Variants in EPHA4 observed in about 807,000 individuals in gnomAD.
EPHA4 encodes the protein EPH receptor A4.
A neutral mutation model predicts 108.3 loss-of-function variants in EPHA4; 19 were observed. The observed-to-expected ratio is 0.18, with a 90% confidence interval of 0.12 to 0.26. The LOEUF (loss-of-function observed/expected upper bound fraction) is 0.26, where lower values mean the gene tolerates loss of function less well. EPHA4 is among the 10% of genes least tolerant of loss of function. The probability of loss-of-function intolerance (pLI) is 1.00; values close to 1 mark genes in which losing one functional copy is unlikely to be tolerated. For missense variants in EPHA4, 917 were observed against 1,254.0 expected, an observed-to-expected ratio of 0.73 and a Z score of 4.06; for synonymous variants, 449 against 455.5, an observed-to-expected ratio of 0.99 and a Z score of 0.18.
At chr2:221,466,726 A>G (rs370588781) in intron 5 of EPHA4, among the ~76,000 whole-genome samples, 6 of 152,168 alleles carry the variant, frequency 3.9e-5, no homozygotes, top group African/African-American at 1.2e-4. Context: ...GACAGGTACT[A>G]TTATTATCCT....
At chr2:221,553,766 A>G (rs1391199340) in intron 3 of EPHA4, among the ~76,000 whole-genome samples, 2 of 152,224 alleles carry the variant, frequency 1.3e-5, no homozygotes, top group Non-Finnish European at 2.9e-5. Flanking sequence ...AGTATGAAAA[A>G]AATCCAATTT....
intron 3 of EPHA4, among the ~76,000 whole-genome samples, chr2:221,562,040 C>T: frequency 6.6e-6 from 1 of 152,134 alleles, no homozygotes; most frequent in East Asian, 1.9e-4. Flanking sequence ...AGTAACAATG[C>T]ACTCACATAT....
chr2:221,560,770 G>A (rs940896608), intron 3 of EPHA4, among the ~76,000 whole-genome samples: 2 of 152,032 alleles, frequency 1.3e-5, no homozygotes, highest in African/African-American at 4.8e-5. Context: ...AGGCTCACAG[G>A]GCTTAAGAAA....
chr2:221,539,604 T>G (rs1693772186), intron 3 of EPHA4, among the ~76,000 whole-genome samples: 1 of 152,158 alleles, frequency 6.6e-6, no homozygotes, highest in African/African-American at 2.4e-5. Context: ...AGAAAGAGCT[T>G]GGAGACCTAT....
intron 4 of EPHA4, among the ~76,000 whole-genome samples, chr2:221,497,800 GAGA>G (rs1206789901): frequency 3.3e-5 from 5 of 152,250 alleles, no homozygotes; most frequent in South Asian, 2.1e-4. Context: ...TAAAGTGTAG[GAGA>G]AGGAGTTCCA....
At chr2:221,517,143 T>G (rs1693013601) in intron 3 of EPHA4, among the ~76,000 whole-genome samples, 1 of 152,120 alleles carries the variant, frequency 6.6e-6, no homozygotes, top group Non-Finnish European at 1.5e-5. Flanking sequence ...ATAAACCTGG[T>G]AATATGAGAG....
At chr2:221,541,715 T>A (rs971051394) in intron 3 of EPHA4, among the ~76,000 whole-genome samples, 3 of 152,144 alleles carry the variant, frequency 2.0e-5, no homozygotes, top group East Asian at 3.9e-4. Context: ...CTTTCCTTGG[T>A]CTGGACCAGC....
At chr2:221,530,497 T>A (rs1159050290) in intron 3 of EPHA4, among the ~76,000 whole-genome samples, 1 of 152,186 alleles carries the variant, frequency 6.6e-6, no homozygotes, top group Non-Finnish European at 1.5e-5. Context: ...GACTTAAGGA[T>A]GGGTGAATCC....
intron 3 of EPHA4, among the ~76,000 whole-genome samples, chr2:221,534,426 T>C (rs368259159): frequency 6.6e-6 from 1 of 152,320 alleles, no homozygotes; most frequent in East Asian, 1.9e-4. Flanking sequence ...TACCTGCAAG[T>C]GCTCCAAGTT....
At chr2:221,521,569 G>A (rs963125817) in intron 3 of EPHA4, among the ~76,000 whole-genome samples, 17 of 152,152 alleles carry the variant, frequency 1.1e-4, no homozygotes, top group African/African-American at 4.1e-4. Context: ...TCTGCCAAAA[G>A]CGTAAGTGTC....
chr2:221,572,515 G>GC (rs1212709506), upstream of EPHA4: 3 of 108,058 alleles, frequency 2.8e-5, no homozygotes, highest in Non-Finnish European at 4.2e-5. Context: ...GAGCACGGCC[G>GC]GTCCCCGCCC....
rs780837109 is a variant in EPHA4 at position 221,456,733 on chromosome 2, C to T, written c.1483G>A (p.Ala495Thr). 1.2e-6 allele frequency: 2 copies of T among 1,613,898 alleles called. No homozygotes were observed. Among genetic ancestry groups the T allele is most frequent in the East Asian group, 2.2e-5 (1 of 44,868 alleles). ...AGGCCTTTGATATCTGTGTTCCTGG[C>T]AGCTGTCCGAACTATACGATAGCTT... ...ERSYRIVRTAARNTDIKGLNP... is the reference protein window; with the variant it reads ...ERSYRIVRTATRNTDIKGLNP... Residue 495 changes from alanine to threonine, a missense_variant, in exon 7 of 18, where the codon GCC (alanine) becomes ACC (threonine). Physicochemically the swap from Ala to Thr is moderately conservative, Grantham distance 58. Transcript: ENST00000281821.
At chr2:221,421,465 GGACACAGGGAGATA>G (rs1290022484) in intron 17 of EPHA4, among the ~76,000 whole-genome samples, 1 of 152,174 alleles carries the variant, frequency 6.6e-6, no homozygotes, top group Non-Finnish European at 1.5e-5. Flanking sequence ...AGGGAACATG[GGACACAGGGAGATA>G]CTTGCTCTAT....
In EPHA4 at chr2:221,508,443, A is replaced by T. The variant is rs114303543; in HGVS notation, c.824-7271T>A. Among the ~76,000 whole-genome samples, 1,520 of 152,166 alleles carry T rather than the reference A, an allele frequency of 1.0e-2. 35 individuals carry two copies. The highest frequency in any genetic ancestry group is 0.035 in the African/African-American group (1,449 of 41,536). ...AAAATACAAAAATTAGCCAGGAGGCATTGTGCATGCCTGTAGTTCCAGCTA... is the reference window on the plus strand; with the variant it reads ...AAAATACAAAAATTAGCCAGGAGGCTTTGTGCATGCCTGTAGTTCCAGCTA... On this transcript the variant is annotated intron_variant, in intron 3 of 17. Transcript: ENST00000281821.
At chr2:221,570,478 G>C (rs923536843) in intron 1 of EPHA4, among the ~76,000 whole-genome samples, 1 of 152,192 alleles carries the variant, frequency 6.6e-6, no homozygotes, top group South Asian at 2.1e-4. Flanking sequence ...CCTAGGGACC[G>C]AGGGGCGGCG....
In EPHA4 at chr2:221,563,880, G is replaced by A. The variant is rs774273988; in HGVS notation, c.674C>T (p.Ser225Phe). The A allele has an allele frequency of 6.2e-7, 1 of 1,614,194 alleles. No individual in the cohort carries two copies. Among genetic ancestry groups the A allele is most frequent in the South Asian group, 1.1e-5 (1 of 91,080 alleles). The part of the protein sequence containing the change: ...PDTITGADTS[S>F]LVEVRGSCVN... ...ACAGGAGCCTCGAACTTCCACCAGGGAAGACGTATCAGCCCCTGTGATGGT... is the reference window on the plus strand; with the variant it reads ...ACAGGAGCCTCGAACTTCCACCAGGAAAGACGTATCAGCCCCTGTGATGGT... Residue 225 changes from serine (S) to phenylalanine (F), a missense_variant, in exon 3 of 18, where the codon TCC (serine) becomes TTC (phenylalanine). Ser to Phe is a radical substitution (Grantham distance 155). Coordinates refer to ENST00000281821, the MANE Select transcript of EPHA4 (RefSeq NM_004438.5).
At position 221,442,939 on chromosome 2, in the gene EPHA4, A is replaced by G; in HGVS notation, c.1964T>C (p.Leu655Pro). 2 of 1,614,186 alleles carry G rather than the reference A, an allele frequency of 1.2e-6. No homozygotes were observed. The highest frequency in any genetic ancestry group is 1.7e-6 in the Non-Finnish European group (2 of 1,180,024). The stretch of plus-strand genomic sequence containing the variant: ...CTGTTTGTCTGTATAACCAGCTTTC[A>G]GAGTCTTGATAGCCACACAGATCTC... Reference protein sequence around the residue: ...KREICVAIKTLKAGYTDKQRR... With the variant: ...KREICVAIKTPKAGYTDKQRR... The change falls in exon 11 of 18, where the codon CTG (leucine) becomes CCG (proline). Residue 655 changes from leucine (L) to proline (P), a missense_variant. Leu to Pro is a moderately conservative substitution (Grantham distance 98). Around this residue, in one of 3 missense-constraint regions of EPHA4, gnomAD observed 758 missense variants for 1,076.7 expected, o/e 0.70. Transcript: ENST00000281821.
At position 221,472,018 on chromosome 2, in the gene EPHA4, A is replaced by G. The variant is rs766425440; in HGVS notation, c.1318+10334T>C. Among the ~76,000 whole-genome samples the G allele has an allele frequency of 1.3e-4, 20 of 152,266 alleles. No homozygotes were observed. The South Asian group carries it at 3.9e-3, about 30-fold the overall frequency. ...AAAACCACACCCTCCTGGGAACCCT[A>G]TAGGATTGGGATTAGATTCATTGGG... On this transcript the variant is annotated intron_variant, in intron 5 of 17. Transcript: ENST00000281821.
In EPHA4 at chr2:221,564,276, C is replaced by T. The variant is rs199555949; in HGVS notation, c.278G>A (p.Gly93Glu). The change falls in exon 3 of 18, where the codon GGG becomes GAG. Residue 93 changes from glycine (G) to glutamate (E), a missense_variant. Transcript: ENST00000281821. ...WLRTDWITRE[G>E]AQRVYIEIKF... The stretch of plus-strand genomic sequence containing the variant: ...AATCTCAATATACACCCTCTGAGCC[C>T]CTTCTCGGGTGATCCAATCAGTTCG... The T allele has an allele frequency of 1.2e-6, 2 of 1,614,112 alleles. No individual in the cohort carries two copies. Among genetic ancestry groups the T allele is most frequent in the South Asian group, 1.1e-5 (1 of 91,072 alleles).
Sources: gnomAD v4.1 joint callset for allele counts (sites outside exome capture counted in the v4.1 genomes callset) on GRCh38, gnomAD v4.1.1 for gene constraint, gnomAD v4.1.1 regional missense constraint, MANE v1.5 for transcripts, NCBI Gene and HGNC (gene_info 2026-07-23, HGNC 2026-07-21) for gene names.